The following TSHZ2 variants were observed in gnomAD, a reference collection of about 807,000 sequenced individuals.
The protein encoded by TSHZ2 is teashirt zinc finger homeobox 2.
A neutral mutation model predicts 74.4 loss-of-function variants in TSHZ2; 21 were observed. The observed-to-expected ratio is 0.28, with a 90% confidence interval of 0.20 to 0.41. The LOEUF (loss-of-function observed/expected upper bound fraction) is 0.41, where lower values mean the gene tolerates loss of function less well. Ranked by LOEUF, TSHZ2 falls within the 10% of genes least tolerant of loss-of-function variation. The pLI is 1.00. For missense variants in TSHZ2, 1,244 were observed against 1,293.5 expected, an observed-to-expected ratio of 0.96 and a Z score of 0.59; for synonymous variants, 540 against 515.3, an observed-to-expected ratio of 1.05 and a Z score of -0.65.
At chr20:52,995,905 A>G (rs1982168859) in intron 1 of TSHZ2, among the ~76,000 whole-genome samples, 1 of 152,074 alleles carries the variant, frequency 6.6e-6, no homozygotes, top group Non-Finnish European at 1.5e-5. Context: ...TAAAGGTGTG[A>G]GCCATTGTGC....
chr20:53,393,951 T>C (rs904640404), intron 2 of TSHZ2, among the ~76,000 whole-genome samples: 10 of 152,118 alleles, frequency 6.6e-5, no homozygotes, highest in African/African-American at 2.2e-4. Flanking sequence ...TCAGGTGAGG[T>C]AGGAAAAGTT....
intron 1 of TSHZ2, among the ~76,000 whole-genome samples, chr20:53,020,157 C>T (rs947660709): frequency 1.3e-5 from 2 of 152,162 alleles, no homozygotes; most frequent in African/African-American, 2.4e-5. Context: ...CCCACCAGGT[C>T]CCTCCCTGGA....
intron 1 of TSHZ2, among the ~76,000 whole-genome samples, chr20:53,095,081 A>G (rs1054069326): frequency 3.3e-5 from 5 of 152,204 alleles, no homozygotes; most frequent in African/African-American, 7.2e-5. Context: ...CAATCAGGCA[A>G]TTTGCTGGCT....
At chr20:53,223,354 C>T (rs1326485947) in intron 1 of TSHZ2, among the ~76,000 whole-genome samples, 1 of 152,034 alleles carries the variant, frequency 6.6e-6, no homozygotes, top group East Asian at 1.9e-4. Flanking sequence ...TTTAAAAAGC[C>T]AGACTCAAAA....
chr20:53,272,350 T>C (rs1370694976), intron 2 of TSHZ2, among the ~76,000 whole-genome samples: 1 of 152,028 alleles, frequency 6.6e-6, no homozygotes, highest in African/African-American at 2.4e-5. Flanking sequence ...TGACATTGGA[T>C]ACAAGGTCGA....
chr20:53,097,097 TCA>T (rs1240092051), intron 1 of TSHZ2, among the ~76,000 whole-genome samples: 6 of 152,124 alleles, frequency 3.9e-5, no homozygotes, highest in African/African-American at 1.2e-4. Flanking sequence ...AGTAGAACTC[TCA>T]GTTGTGTCAA....
intron 1 of TSHZ2, among the ~76,000 whole-genome samples, chr20:53,131,283 A>G (rs1987094289): frequency 6.6e-6 from 1 of 152,242 alleles, no homozygotes. Context: ...AAAAGTAATA[A>G]ATAATGCATG....
rs2123726209 is a variant in TSHZ2 at position 53,255,415 on chromosome 20, G to C, written c.1957G>C (p.Glu653Gln). Residue 653 changes from glutamate to glutamine, a missense_variant, in exon 2 of 3, where the codon GAG becomes CAG. Glu to Gln is a conservative substitution (Grantham distance 29, BLOSUM62 2). Transcript: ENST00000371497. This position sits in a 1 kb window ranked among gnomAD's most constrained non-coding sequence, Gnocchi z 4.1. ...AKKTELGPLK[E>Q]EEKLMKEGSE... is the part of the protein sequence containing the mutation. ...AAAGACCGAGCTGGGTCCCCTGAAG[G>C]AGGAGGAGAAGCTGATGAAAGAGGG... is the stretch of plus-strand genomic sequence containing the variant. 6.2e-7 allele frequency: 1 copy of C among 1,613,360 alleles called. No homozygotes were observed. The highest frequency in any genetic ancestry group is 8.5e-7 in the Non-Finnish European group (1 of 1,179,946).
intron 1 of TSHZ2, among the ~76,000 whole-genome samples, chr20:53,159,982 C>A (rs768504604): frequency 6.6e-6 from 1 of 152,036 alleles, no homozygotes; most frequent in Admixed American, 6.5e-5. Context: ...TTCCTGAGGA[C>A]GTTGTGTTTG....
At chr20:53,124,313 C>T (rs759857220) in intron 1 of TSHZ2, among the ~76,000 whole-genome samples, 1 of 152,206 alleles carries the variant, frequency 6.6e-6, no homozygotes, top group Admixed American at 6.5e-5. Flanking sequence ...CAATTTGGGA[C>T]CCAGATTTAG....
chr20:53,181,837 A>G (rs184921136), intron 1 of TSHZ2, among the ~76,000 whole-genome samples: 151 of 152,318 alleles, frequency 9.9e-4, no homozygotes, highest in East Asian at 2.7e-3. Context: ...GCAGTGAGCC[A>G]AGATCAAACA....
At chr20:53,221,421 CCA>C (rs552536691) in intron 1 of TSHZ2, among the ~76,000 whole-genome samples, 172 of 152,228 alleles carry the variant, frequency 1.1e-3, no homozygotes, top group African/African-American at 3.9e-3. Context: ...TCTATAGGGG[CCA>C]CCTATTTTTG....
chr20:53,459,107 C>T (rs1485218309), intron 2 of TSHZ2, among the ~76,000 whole-genome samples: 1 of 151,386 alleles, frequency 6.6e-6, no homozygotes, highest in South Asian at 2.1e-4. Flanking sequence ...AGTTCAATTC[C>T]TGGGTGTTGA....
intron 2 of TSHZ2, among the ~76,000 whole-genome samples, chr20:53,462,935 A>C (rs1985425464): frequency 6.6e-6 from 1 of 152,148 alleles, no homozygotes; most frequent in African/African-American, 2.4e-5. Flanking sequence ...CCTTCTGCAT[A>C]ATGGTCATGC....
chr20:53,468,944 C>T (rs1435852883), intron 2 of TSHZ2, among the ~76,000 whole-genome samples: 1 of 148,670 alleles, frequency 6.7e-6, no homozygotes, highest in Admixed American at 6.7e-5. Flanking sequence ...TGATGAAGTA[C>T]CCCTTTGACA....
chr20:53,073,258 TTCCA>T (rs1985247552), intron 1 of TSHZ2, among the ~76,000 whole-genome samples: 2 of 122,840 alleles, frequency 1.6e-5, no homozygotes, highest in Non-Finnish European at 1.7e-5. Flanking sequence ...TCATCTATCC[TTCCA>T]TCCATCCATC....
At chr20:53,429,177 C>T (rs983127653) in intron 2 of TSHZ2, among the ~76,000 whole-genome samples, 1 of 152,130 alleles carries the variant, frequency 6.6e-6, no homozygotes, top group Non-Finnish European at 1.5e-5. Flanking sequence ...TCTGCCTTTA[C>T]GGGACTTGAT....
At chr20:53,146,688 T>C (rs906143024) in intron 1 of TSHZ2, among the ~76,000 whole-genome samples, 1 of 152,188 alleles carries the variant, frequency 6.6e-6, no homozygotes, top group Admixed American at 6.5e-5. Flanking sequence ...AAAAGTCCTA[T>C]AACAGCATAA....
At chr20:53,005,173 G>T (rs1982595324) in intron 1 of TSHZ2, among the ~76,000 whole-genome samples, 1 of 151,936 alleles carries the variant, frequency 6.6e-6, no homozygotes, top group Admixed American at 6.6e-5. Context: ...AAATTAGCCA[G>T]GTGTGGTGGT....
Sources: gnomAD v4.1 joint callset for allele counts (sites outside exome capture counted in the v4.1 genomes callset) on GRCh38, gnomAD v4.1.1 for gene constraint, Gnocchi (gnomAD v3.1) non-coding constraint, MANE v1.5 for transcripts, NCBI Gene and HGNC (gene_info 2026-07-23, HGNC 2026-07-21) for gene names.